IKZF2: variants seen among roughly 807,000 people sequenced by gnomAD.
IKZF2 encodes IKAROS family zinc finger 2.
In IKZF2, 15 loss-of-function variants were observed where a neutral mutation model predicts 49.2. That is an observed-to-expected ratio of 0.30 (90% CI 0.20 to 0.47). The LOEUF (loss-of-function observed/expected upper bound fraction) is 0.47, where lower values mean the gene tolerates loss of function less well. IKZF2 is among the 20% of genes least tolerant of loss of function. IKZF2 has a pLI of 1.00. For synonymous variants in IKZF2, 227 were observed against 221.4 expected, an observed-to-expected ratio of 1.03 and a Z score of -0.23; for missense variants, 567 against 664.6, an observed-to-expected ratio of 0.85 and a Z score of 1.61.
intron 4 of IKZF2, among the ~76,000 whole-genome samples, chr2:213,133,593 T>C (rs1214948057): frequency 6.6e-6 from 1 of 151,666 alleles, no homozygotes; most frequent in Non-Finnish European, 1.5e-5. Context: ...TTGCTAGGCA[T>C]GGTGGCAGGT....
chr2:213,133,441 T>C (rs540564430), intron 4 of IKZF2, among the ~76,000 whole-genome samples: 6 of 152,234 alleles, frequency 3.9e-5, no homozygotes, highest in African/African-American at 1.4e-4. Context: ...TTTAAAAACA[T>C]GTTTACTGGC....
intron 4 of IKZF2, among the ~76,000 whole-genome samples, chr2:213,125,177 C>T (rs1311786433): frequency 6.6e-6 from 1 of 152,194 alleles, no homozygotes; most frequent in Middle Eastern, 3.2e-3. Flanking sequence ...ATCTTCTGTT[C>T]TAGAGTGTAT....
rs543403037 is a variant in IKZF2 at position 213,003,756 on chromosome 2, T to C, written c.*3604A>G. The C allele has an allele frequency of 1.4e-4, 22 of 151,802 alleles. No homozygotes were observed. The highest frequency in any genetic ancestry group is 3.3e-4 in the Admixed American group (5 of 15,188). 9.4% of individuals were successfully genotyped at this position (151,802 alleles called of 1,614,324 possible). A position where few individuals can be genotyped will look rare whatever the true frequency, so the allele number is the denominator to read the frequency against. On this transcript the variant is annotated 3_prime_UTR_variant, in exon 9 of 9. Transcript: ENST00000434687. ...TTCATGGTTTTGTGAGTTGTACAAC[T>C]GAGATAAAAACTATAAAAACAAAAT...
rs74933495 is a variant in IKZF2, at chr2:213,047,908, T to G, written c.574+1805A>C. Among the ~76,000 whole-genome samples, 708 of 152,008 alleles carry G rather than the reference T, an allele frequency of 4.7e-3. 8 individuals are homozygous for G. The highest frequency in any genetic ancestry group is 0.034 in the Middle Eastern group (10 of 294). On this transcript the variant is annotated intron_variant, in intron 6 of 8. Coordinates refer to ENST00000434687, the MANE Select transcript of IKZF2 (RefSeq NM_001387220.1). ...GATAAAGAACCTTATTTAGCCGATG[T>G]GCTAAACAGAGTAAGAGTAAGGGGA...
Position 213,007,690 on chromosome 2 carries a change from G to C in IKZF2, c.1251C>G (p.His417Gln), listed in dbSNP as rs1695482697. 1.2e-6 allele frequency: 2 copies of C among 1,613,750 alleles called. No homozygotes were observed. The highest frequency in any genetic ancestry group is 1.7e-6 in the Non-Finnish European group (2 of 1,179,758). ...STDSESSHDD[H>Q]QSYQGHPALN... ...AGGCAGGGTGTCCTTGGTAGGACTG[G>C]TGGTCATCATGGCTGCTTTCTGAGT... Residue 417 changes from histidine (H) to glutamine (Q), a missense_variant, in exon 9 of 9, where the codon CAC (histidine) becomes CAG (glutamine). His to Gln is a conservative substitution (Grantham distance 24). This residue lies in a region of IKZF2 where 310 missense variants were observed against 326.9 expected (regional missense o/e 0.95). Transcript: ENST00000434687.
At chr2:213,065,555 T>C (rs1320499480) in intron 4 of IKZF2, among the ~76,000 whole-genome samples, 1 of 151,974 alleles carries the variant, frequency 6.6e-6, no homozygotes, top group Admixed American at 6.6e-5. Context: ...ATCATCAATA[T>C]CAAAATAACA....
chr2:213,137,042 A>G (rs1337858730), intron 4 of IKZF2, among the ~76,000 whole-genome samples: 1 of 152,198 alleles, frequency 6.6e-6, no homozygotes, highest in African/African-American at 2.4e-5. Flanking sequence ...ACTTTATGCA[A>G]ACAGCATTAC....
At chr2:213,096,867 T>C (rs1706056122) in intron 4 of IKZF2, among the ~76,000 whole-genome samples, 1 of 152,028 alleles carries the variant, frequency 6.6e-6, no homozygotes. Flanking sequence ...ACCAATACAA[T>C]GTTATTGATG....
intron 5 of IKZF2, 45 bp downstream of exon 5, chr2:213,056,788 T>G (rs777698432): frequency 1.2e-6 from 2 of 1,608,058 alleles, no homozygotes; most frequent in African/African-American, 2.7e-5. Context: ...AATATCAACA[T>G]CAGATGTCAC....
At chr2:213,103,338 G>A (rs537037659) in intron 4 of IKZF2, among the ~76,000 whole-genome samples, 1 of 152,174 alleles carries the variant, frequency 6.6e-6, no homozygotes. Context: ...TCAAAGCTTG[G>A]ACAGATAGCT....
chr2:213,131,950 A>G (rs2060486923), intron 4 of IKZF2, among the ~76,000 whole-genome samples: 1 of 152,214 alleles, frequency 6.6e-6, no homozygotes, highest in South Asian at 2.1e-4. Flanking sequence ...TAATTGAGAG[A>G]CTACTATGTA....
At chr2:213,010,624 T>C (rs950125410) in intron 8 of IKZF2, among the ~76,000 whole-genome samples, 30 of 152,198 alleles carry the variant, frequency 2.0e-4, no homozygotes, top group Middle Eastern at 3.4e-3. Flanking sequence ...CTGGTCTTTA[T>C]GTGCAATGTA....
Position 213,007,086 on chromosome 2 carries a change from C to A in IKZF2, c.*274G>T. 3.1e-6 allele frequency: 1 copy of A among 319,628 alleles called. No homozygotes were observed. The highest frequency in any genetic ancestry group is 5.7e-6 in the Non-Finnish European group (1 of 174,622). 19.8% of individuals were successfully genotyped at this position (319,628 alleles called of 1,614,324 possible). On this transcript the variant is annotated 3_prime_UTR_variant, in exon 9 of 9. Transcript: ENST00000434687. ...AGTGATTTTTCAAAGCATGATATGC[C>A]TTGGTAGAAATGGACTGCTCTTAAA...
chr2:213,125,999 G>C (rs2060247479), intron 4 of IKZF2, among the ~76,000 whole-genome samples: 1 of 152,154 alleles, frequency 6.6e-6, no homozygotes, highest in South Asian at 2.1e-4. Flanking sequence ...CTGAGGACTA[G>C]GGTACTTGAG....
chr2:213,078,520 C>A (rs572476322), intron 4 of IKZF2, among the ~76,000 whole-genome samples: 1 of 152,296 alleles, frequency 6.6e-6, no homozygotes, highest in East Asian at 1.9e-4. Context: ...TTATTATCCC[C>A]AGTAAACGTA....
At chr2:213,109,217 C>A (rs1238891315) in intron 4 of IKZF2, among the ~76,000 whole-genome samples, 1 of 152,048 alleles carries the variant, frequency 6.6e-6, no homozygotes, top group African/African-American at 2.4e-5. Flanking sequence ...ACCAAATTCT[C>A]AGCAAGTAAA....
intron 4 of IKZF2, among the ~76,000 whole-genome samples, chr2:213,071,246 C>G (rs901913084): frequency 2.0e-5 from 3 of 151,770 alleles, no homozygotes; most frequent in Non-Finnish European, 4.4e-5. Context: ...AGATACTATA[C>G]AAACAAATAT....
chr2:213,023,804 T>C (rs1307298287), intron 6 of IKZF2, among the ~76,000 whole-genome samples: 1 of 152,200 alleles, frequency 6.6e-6, no homozygotes, highest in Non-Finnish European at 1.5e-5. Flanking sequence ...TGTAAACTAC[T>C]TCAGTCATTT....
chr2:213,097,700 C>T (rs889254220), intron 4 of IKZF2, among the ~76,000 whole-genome samples: 1 of 152,148 alleles, frequency 6.6e-6, no homozygotes, highest in South Asian at 2.1e-4. Context: ...TATCATAGAA[C>T]CTGACACACA....
Sources: gnomAD v4.1 joint callset for allele counts (sites outside exome capture counted in the v4.1 genomes callset) on GRCh38, gnomAD v4.1.1 for gene constraint, gnomAD v4.1.1 regional missense constraint, MANE v1.5 for transcripts, NCBI Gene and HGNC (gene_info 2026-07-23, HGNC 2026-07-21) for gene names.